GRIP1: variants seen among roughly 807,000 people sequenced by gnomAD.
GRIP1 encodes glutamate receptor interacting protein 1, also known as glutamate receptor-interacting protein 1.
Under a neutral mutation model 129.9 loss-of-function variants are expected in GRIP1, and 45 were observed. The ratio of observed to expected loss-of-function variants is 0.35; its 90% CI spans 0.27 to 0.44. The LOEUF is 0.44. Ranked by LOEUF, GRIP1 falls within the 20% of genes least tolerant of loss-of-function variation. GRIP1 has a pLI of 1.00. For missense variants in GRIP1, 1,196 were observed against 1,396.8 expected, an observed-to-expected ratio of 0.86 and a Z score of 2.29; for synonymous variants, 530 against 520.8, an observed-to-expected ratio of 1.02 and a Z score of -0.24.
In GRIP1 at chr12:66,517,286, T is replaced by C. The variant is rs574517900; in HGVS notation, c.578+615A>G. 5.3e-5 allele frequency among the ~76,000 whole-genome samples: 8 copies of C among 152,206 alleles called. No homozygotes were observed. The East Asian group carries it at 1.5e-3, about 29-fold the overall frequency. On this transcript the variant is annotated intron_variant, in intron 6 of 24. Transcript: ENST00000359742. ...TTGTGAGTTTACTCGGGGCCCTAAT[T>C]ATAACAGGAAAGTTGAAGGCATTTG... is the stretch of plus-strand genomic sequence containing the variant.
In GRIP1 at chr12:66,694,742, C is replaced by T. The variant is rs549421258; in HGVS notation, c.-419-64406G>A. Reference sequence around the variant, plus strand: ...AACCCACAGTCACCTAGTACACTGACATCCTGGTTTTCTAAGTATAAAATT... The same window carrying T: ...AACCCACAGTCACCTAGTACACTGATATCCTGGTTTTCTAAGTATAAAATT... On this transcript the variant is annotated intron_variant, in intron 1 of 4. Transcript: ENST00000538373. Among the ~76,000 whole-genome samples the T allele has an allele frequency of 9.8e-5, 15 of 152,306 alleles. No individual in the cohort carries two copies. In the South Asian group the frequency reaches 2.9e-3, roughly 29 times the overall value.
chr12:66,956,020 G>A (rs568073516), intron 1 of GRIP1, among the ~76,000 whole-genome samples: 3 of 152,300 alleles, frequency 2.0e-5, no homozygotes, highest in Admixed American at 6.5e-5. Flanking sequence ...AATACAAAGA[G>A]TTTCCATATG....
chr12:66,508,698 T>C (rs1367725390), intron 7 of GRIP1, among the ~76,000 whole-genome samples: 5 of 152,098 alleles, frequency 3.3e-5, no homozygotes, highest in Non-Finnish European at 5.9e-5. Context: ...TCAACTACAA[T>C]AGTTTGTTGG....
intron 15 of GRIP1, among the ~76,000 whole-genome samples, chr12:66,411,166 G>C (rs939628080): frequency 6.6e-6 from 1 of 152,170 alleles, no homozygotes; most frequent in African/African-American, 2.4e-5. Flanking sequence ...GCTTTTTTAA[G>C]CGGGTCCCTG....
chr12:67,018,617 A>C (rs1159139612), intron 1 of GRIP1, among the ~76,000 whole-genome samples: 1 of 152,132 alleles, frequency 6.6e-6, no homozygotes, highest in East Asian at 1.9e-4. Context: ...AGGTTCCTAC[A>C]AACCAGGCAG....
intron 1 of GRIP1, among the ~76,000 whole-genome samples, chr12:67,039,257 T>G (rs1592501788): frequency 1.3e-5 from 2 of 152,144 alleles, no homozygotes; most frequent in South Asian, 4.1e-4. Context: ...CTTAAATACC[T>G]TGCTTATCCT....
intron 1 of GRIP1, among the ~76,000 whole-genome samples, chr12:67,041,371 C>T (rs773744220): frequency 1.1e-4 from 17 of 151,260 alleles, no homozygotes; most frequent in East Asian, 1.9e-4. Flanking sequence ...TATTTATGTG[C>T]GTGTGTATAT....
At chr12:66,862,970 G>C (rs956104429) in intron 1 of GRIP1, among the ~76,000 whole-genome samples, 1 of 151,712 alleles carries the variant, frequency 6.6e-6, no homozygotes, top group African/African-American at 2.4e-5. Flanking sequence ...TACTATTATT[G>C]AAACACCGAG....
chr12:66,595,481 T>C (rs568983074), intron 2 of GRIP1, among the ~76,000 whole-genome samples: 1 of 152,314 alleles, frequency 6.6e-6, no homozygotes, highest in South Asian at 2.1e-4. Flanking sequence ...TTCCCAGCAG[T>C]GGAATACTCA....
At chr12:66,979,927 T>C (rs2042219882) in intron 1 of GRIP1, among the ~76,000 whole-genome samples, 1 of 152,110 alleles carries the variant, frequency 6.6e-6, no homozygotes, top group Admixed American at 6.6e-5. Flanking sequence ...GTCACCTTGA[T>C]TTTGGACTTC....
At chr12:66,843,787 T>C (rs2137056387) in intron 1 of GRIP1, among the ~76,000 whole-genome samples, 1 of 144,944 alleles carries the variant, frequency 6.9e-6, no homozygotes, top group South Asian at 2.2e-4. Context: ...CCTTACACCA[T>C]ATATAAAAAT....
intron 1 of GRIP1, among the ~76,000 whole-genome samples, chr12:66,834,945 G>T (rs1162562403): frequency 6.9e-6 from 1 of 144,504 alleles, no homozygotes; most frequent in Admixed American, 6.9e-5. Flanking sequence ...AAGGGGGGGG[G>T]GCAGGAGTAG....
chr12:66,732,951 C>A (rs1193685158), intron 1 of GRIP1, among the ~76,000 whole-genome samples: 1 of 152,188 alleles, frequency 6.6e-6, no homozygotes, highest in East Asian at 1.9e-4. Flanking sequence ...TTGTGCTAGG[C>A]CCAAATTTTA....
intron 24 of GRIP1, among the ~76,000 whole-genome samples, chr12:66,350,785 T>C (rs185490601): frequency 1.6e-3 from 251 of 152,332 alleles, no homozygotes; most frequent in African/African-American, 5.3e-3. Context: ...GCCTGTGATC[T>C]TCTCCTCCCC....
At chr12:66,720,975 C>A (rs541464929) in intron 1 of GRIP1, among the ~76,000 whole-genome samples, 1 of 152,214 alleles carries the variant, frequency 6.6e-6, no homozygotes, top group South Asian at 2.1e-4. Context: ...TTGCCCAGAT[C>A]CATCAGAGGA....
intron 1 of GRIP1, among the ~76,000 whole-genome samples, chr12:66,619,648 C>T (rs1397283051): frequency 6.6e-6 from 1 of 152,072 alleles, no homozygotes; most frequent in African/African-American, 2.4e-5. Context: ...ATTTATTAAA[C>T]TTTTTAATTT....
intron 9 of GRIP1, among the ~76,000 whole-genome samples, chr12:66,457,197 T>C (rs1048653650): frequency 6.6e-6 from 1 of 152,184 alleles, no homozygotes; most frequent in Non-Finnish European, 1.5e-5. Flanking sequence ...ATGAGCAATA[T>C]AATGTTTGTT....
chr12:66,442,311 G>A lies in GRIP1; in HGVS notation c.1687+2273C>T, dbSNP rs2058492258. Among the ~76,000 whole-genome samples, 3 of 151,954 alleles carry A rather than the reference G, an allele frequency of 2.0e-5. No individual in the cohort carries two copies. In the South Asian group the frequency reaches 6.2e-4, roughly 32 times the overall value. On this transcript the variant is annotated intron_variant, in intron 13 of 24. Coordinates refer to ENST00000359742, the MANE Select transcript of GRIP1 (RefSeq NM_001366722.1). ...TTGTTGTTTCTCCAGCAAGCTAATT[G>A]TTCTGGCTTAGGGTCTTTACATTGC... is the stretch of plus-strand genomic sequence containing the variant.
intron 13 of GRIP1, among the ~76,000 whole-genome samples, chr12:66,438,384 AC>A (rs1397211551): frequency 6.6e-6 from 1 of 152,078 alleles, no homozygotes; most frequent in Non-Finnish European, 1.5e-5. Context: ...CAGACCAGGA[AC>A]CCCAGAGAAA....
Sources: allele counts gnomAD v4.1 joint callset (sites outside exome capture counted in the v4.1 genomes callset), GRCh38; gene constraint gnomAD v4.1.1; transcripts MANE v1.5; gene names NCBI Gene and HGNC (gene_info 2026-07-23, HGNC 2026-07-21).